SLC18A2: variants seen among roughly 807,000 people sequenced by gnomAD.
SLC18A2 encodes the protein solute carrier family 18 member A2.
In SLC18A2, 33 loss-of-function variants were observed where a neutral mutation model predicts 59.2. The observed-to-expected ratio is 0.56, with a 90% CI of 0.42 to 0.75. The LOEUF (loss-of-function observed/expected upper bound fraction) is 0.75. Among genes scored for constraint, SLC18A2 ranks in the 30% least tolerant of loss-of-function variants. The probability of loss-of-function intolerance (pLI) is 0.00; values close to 1 mark genes in which losing one functional copy is unlikely to be tolerated. For missense variants in SLC18A2, 569 were observed against 668.6 expected (o/e 0.85, Z 1.64); for synonymous variants, 228 against 253.5 (o/e 0.90, Z 0.95).
rs774471931 is a variant in SLC18A2 at position 117,255,448 on chromosome 10, G to C, written c.791-31G>C. 4 of 1,614,026 alleles carry C rather than the reference G, an allele frequency of 2.5e-6. No homozygotes were observed. The African/African-American group carries it at 5.3e-5, about 22-fold the overall frequency. ...TTGGGCCACACCTGCTTTCTGAAGAGGGGCTTGTCTTTTTTATTTTTATTT... is the reference window on the plus strand; with the variant it reads ...TTGGGCCACACCTGCTTTCTGAAGACGGGCTTGTCTTTTTTATTTTTATTT... On this transcript the variant is annotated intron_variant, in intron 7 of 15. Transcript: ENST00000644641.
At chr10:117,250,108 C>T (rs1318845816) in intron 3 of SLC18A2, among the ~76,000 whole-genome samples, 2 of 152,170 alleles carry the variant, frequency 1.3e-5, no homozygotes. Flanking sequence ...GACTCTCCTT[C>T]TATGGTGGGT....
intron 10 of SLC18A2, among the ~76,000 whole-genome samples, chr10:117,263,915 C>T (rs117220249): frequency 0.041 from 6,235 of 152,190 alleles, 142 homozygotes; most frequent in East Asian, 0.068. Context: ...CTCTGGGGTG[C>T]GAGGACTTAG....
At chr10:117,270,297 A>G in intron 14 of SLC18A2, 33 bp from the exon 15 acceptor site, 1 of 1,613,864 alleles carries the variant, frequency 6.2e-7, no homozygotes, top group Non-Finnish European at 8.5e-7. Context: ...AGACATTTGG[A>G]AGAGCTTTAT....
intron 13 of SLC18A2, 45 bp downstream of exon 13, chr10:117,267,781 A>G: frequency 6.9e-7 from 1 of 1,449,372 alleles, no homozygotes; most frequent in South Asian, 1.2e-5. Context: ...CCGCTTTTCC[A>G]CTAGGAAGGG....
intron 3 of SLC18A2, among the ~76,000 whole-genome samples, chr10:117,251,355 C>G (rs1448339030): frequency 6.6e-6 from 1 of 152,100 alleles, no homozygotes; most frequent in Non-Finnish European, 1.5e-5. Context: ...CCGTGTGAGC[C>G]CCCGGTGTTG....
chr10:117,270,609 CT>C, intron 15 of SLC18A2, 146 bp downstream of exon 15: 1 of 850,800 alleles, frequency 1.2e-6, no homozygotes, highest in South Asian at 1.9e-5. Flanking sequence ...GCAGTTACTT[CT>C]TTTATTTTTT....
intron 3 of SLC18A2, among the ~76,000 whole-genome samples, chr10:117,252,428 CTT>C (rs1844174087): frequency 2.0e-5 from 3 of 152,042 alleles, no homozygotes; most frequent in African/African-American, 7.2e-5. Context: ...ACAGAAGAGA[CTT>C]AGAGATGTTT....
chr10:117,266,590 C>T (rs372985580), intron 10 of SLC18A2, 143 bp from the exon 11 acceptor site: 25 of 663,726 alleles, frequency 3.8e-5, no homozygotes, highest in African/African-American at 5.5e-5. Context: ...ATCCGGCAGG[C>T]GCCGGATATT....
At chr10:117,243,919 T>C (rs1844080693) in intron 2 of SLC18A2, 52 bp from the exon 3 acceptor site, 4 of 1,463,308 alleles carry the variant, frequency 2.7e-6, no homozygotes, top group Non-Finnish European at 3.7e-6. Context: ...GCTTTTTTCC[T>C]GGAGAGGGTT....
chr10:117,275,428 T>C (rs1358643949), intron 15 of SLC18A2, among the ~76,000 whole-genome samples: 1 of 152,144 alleles, frequency 6.6e-6, no homozygotes, highest in Non-Finnish European at 1.5e-5. Context: ...ATCAGATACA[T>C]TTTAATCTAT....
rs915348848 is a variant in SLC18A2, at chr10:117,244,293, C to T, written c.444C>T (p.Phe148=). The change falls in exon 3 of 16, where the codon TTC becomes TTT. Residue 148 remains phenylalanine (F), a synonymous_variant. Coordinates refer to ENST00000644641, the MANE Select transcript of SLC18A2 (RefSeq NM_003054.6). ...CCGTCCAGCTCATCACCAACCCTTT[C>T]ATAGGACTACTGACCAACAGGTAGG... ...KATVQLITNP[F]IGLLTNRIGY... The T allele has an allele frequency of 1.3e-5, 21 of 1,613,858 alleles. No individual in the cohort carries two copies. Among genetic ancestry groups the T allele is most frequent in the Non-Finnish European group, 1.7e-5 (20 of 1,179,914 alleles).
chr10:117,274,411 A>G (rs909295432), intron 15 of SLC18A2, among the ~76,000 whole-genome samples: 3 of 152,126 alleles, frequency 2.0e-5, no homozygotes, highest in African/African-American at 7.2e-5. Context: ...GCCCAGTCCT[A>G]GGTTCTGGGG....
intron 2 of SLC18A2, among the ~76,000 whole-genome samples, chr10:117,243,518 T>C (rs1189688279): frequency 6.6e-6 from 1 of 152,174 alleles, no homozygotes; most frequent in African/African-American, 2.4e-5. Flanking sequence ...GGCTCCTGTT[T>C]TGGGGTAGAC....
Position 117,277,464 on chromosome 10 carries a change from TATAA to T in SLC18A2, c.*202_*205del, listed in dbSNP as rs1844516538. On this transcript the variant is annotated 3_prime_UTR_variant, in exon 16 of 16. Coordinates refer to ENST00000644641, the MANE Select transcript of SLC18A2 (RefSeq NM_003054.6). ...AAAAAGAAGCTTTTCTAGGGGTTTG[TATAA>T]ATAGTGTTGAAACTTTATTTTATGT... is the stretch of plus-strand genomic sequence containing the variant. 5.6e-6 allele frequency: 2 copies of T among 358,394 alleles called. No homozygotes were observed. Among genetic ancestry groups the T allele is most frequent in the South Asian group, 9.4e-5 (1 of 10,588 alleles). 22.2% of individuals were successfully genotyped at this position (358,394 alleles called of 1,614,324 possible).
intron 10 of SLC18A2, among the ~76,000 whole-genome samples, chr10:117,266,473 C>T (rs895554554): frequency 7.2e-5 from 11 of 152,232 alleles, no homozygotes; most frequent in Non-Finnish European, 1.6e-4. Context: ...AGCCCACCAC[C>T]AGCCAGAGAT....
intron 15 of SLC18A2, among the ~76,000 whole-genome samples, chr10:117,273,654 G>T (rs1844452003): frequency 1.3e-5 from 2 of 152,122 alleles, no homozygotes. Context: ...TCCCTTTGCA[G>T]GTATTTAAAT....
chr10:117,243,910 C>CT (rs1844080616), intron 2 of SLC18A2, 61 bp from the exon 3 acceptor site: 24 of 1,408,518 alleles, frequency 1.7e-5, no homozygotes, highest in Non-Finnish European at 2.2e-5. Flanking sequence ...TTTTTGCTGG[C>CT]TTTTTTCCTG....
chr10:117,247,606 G>A (rs363335), intron 3 of SLC18A2, among the ~76,000 whole-genome samples: 145,369 of 152,322 alleles, frequency 0.95, 69,744 homozygotes, highest in East Asian at 1. Context: ...AGAACTGCTG[G>A]AGACCCAGTG....
intron 15 of SLC18A2, among the ~76,000 whole-genome samples, chr10:117,271,939 G>C (rs2283142): frequency 0.11 from 16,037 of 152,224 alleles, 1,120 homozygotes; most frequent in East Asian, 0.34. Flanking sequence ...GTGTTTGTGT[G>C]TGTCTGTGTG....
Sources: gnomAD v4.1 joint callset for allele counts (sites outside exome capture counted in the v4.1 genomes callset) on GRCh38, gnomAD v4.1.1 for gene constraint, MANE v1.5 for transcripts, NCBI Gene and HGNC (gene_info 2026-07-23, HGNC 2026-07-21) for gene names.